TPTE: variants seen among roughly 807,000 people sequenced by gnomAD.
The protein encoded by TPTE is putative tyrosine-protein phosphatase TPTE.
Under a neutral mutation model 84.1 loss-of-function variants are expected in TPTE, and 59 were observed. The ratio of observed to expected loss-of-function variants is 0.70; its 90% CI spans 0.57 to 0.87. TPTE has a LOEUF of 0.87. Among genes scored for constraint, TPTE ranks in the 40% least tolerant of loss-of-function variants. TPTE has a pLI of 0.00. For synonymous variants in TPTE, 130 were observed against 223.5 expected, an observed-to-expected ratio of 0.58 and a Z score of 3.73; for missense variants, 382 against 659.6, an observed-to-expected ratio of 0.58 and a Z score of 4.61.
intron 3 of TPTE, among the ~76,000 whole-genome samples, chr21:10,531,339 A>G (rs1270100160): frequency 2.4e-4 from 36 of 152,414 alleles, no homozygotes; most frequent in African/African-American, 8.4e-4. Flanking sequence ...CTGGTGGTTT[A>G]AAAAGAGACA....
At chr21:10,605,357 A>C (rs1284954290) in intron 23 of TPTE, 60 bp from the exon 24 acceptor site, 1 of 1,591,864 alleles carries the variant, frequency 6.3e-7, no homozygotes, top group East Asian at 2.3e-5. Context: ...GTGGGTACCC[A>C]ACTGTGTGGC....
chr21:10,538,219 T>C (rs2074302570), intron 3 of TPTE, among the ~76,000 whole-genome samples: 1 of 152,310 alleles, frequency 6.6e-6, no homozygotes, highest in South Asian at 2.1e-4. Flanking sequence ...AGGGTGGTAC[T>C]CAAAACCCCA....
intron 17 of TPTE, among the ~76,000 whole-genome samples, chr21:10,586,787 C>T (rs1251510888): frequency 6.6e-6 from 1 of 152,306 alleles, no homozygotes; most frequent in Non-Finnish European, 1.5e-5. Context: ...TTCCTAAAAT[C>T]TCTCATTAGA....
At chr21:10,572,318 G>A (rs1189410626) in intron 14 of TPTE, among the ~76,000 whole-genome samples, 14 of 152,280 alleles carry the variant, frequency 9.2e-5, no homozygotes, top group African/African-American at 3.4e-4. Flanking sequence ...TGGGTGTGGT[G>A]GCGTGAACCT....
chr21:10,567,394 GATT>G (rs1340410397), intron 10 of TPTE, among the ~76,000 whole-genome samples: 2 of 151,746 alleles, frequency 1.3e-5, no homozygotes, highest in Non-Finnish European at 3.0e-5. Flanking sequence ...CAATGAGGGT[GATT>G]ATTACGCATT....
At chr21:10,535,783 T>TGA (rs1387117719) in intron 3 of TPTE, among the ~76,000 whole-genome samples, 2 of 152,302 alleles carry the variant, frequency 1.3e-5, no homozygotes, top group African/African-American at 4.8e-5. Flanking sequence ...TACCACCATG[T>TGA]GAGGCTGGTG....
At chr21:10,536,169 T>A (rs2145600778) in intron 3 of TPTE, among the ~76,000 whole-genome samples, 1 of 152,430 alleles carries the variant, frequency 6.6e-6, no homozygotes, top group South Asian at 2.1e-4. Flanking sequence ...TCCCATCTAC[T>A]CAGGAGGCTG....
intron 3 of TPTE, among the ~76,000 whole-genome samples, chr21:10,534,774 T>C (rs1365480789): frequency 6.6e-6 from 1 of 152,310 alleles, no homozygotes; most frequent in East Asian, 1.9e-4. Flanking sequence ...GTATGTAACA[T>C]CCTTTTCTTT....
intron 8 of TPTE, among the ~76,000 whole-genome samples, chr21:10,559,093 T>C (rs1461925098): frequency 6.6e-6 from 1 of 152,312 alleles, no homozygotes; most frequent in African/African-American, 2.4e-5. Flanking sequence ...TTTATTGCAG[T>C]GGAAACTGAG....
chr21:10,541,140 A>T lies in TPTE; in HGVS notation c.40A>T (p.Ile14Phe). ...TGATCCGACTGACCTGGCGGGAGTC[A>T]TCATTGAGCTCGGCCCCAATGACAG... is the stretch of plus-strand genomic sequence containing the variant. ...SPDPTDLAGVIIELGPNDSPQ... is the reference protein window; with the variant it reads ...SPDPTDLAGVFIELGPNDSPQ... The change falls in exon 5 of 24, where the codon ATC becomes TTC. Residue 14 changes from isoleucine (I) to phenylalanine (F), a missense_variant. Transcript: ENST00000618007. 1 of 1,613,276 alleles carries T rather than the reference A, an allele frequency of 6.2e-7. No homozygotes were observed. The highest frequency in any genetic ancestry group is 8.5e-7 in the Non-Finnish European group (1 of 1,179,358).
intron 7 of TPTE, among the ~76,000 whole-genome samples, chr21:10,544,935 A>C: frequency 6.6e-6 from 1 of 152,310 alleles, no homozygotes. Context: ...ACAGGCCGAA[A>C]AATTTCATTA....
At chr21:10,575,475 A>G (rs1165396474) in intron 14 of TPTE, among the ~76,000 whole-genome samples, 1 of 152,308 alleles carries the variant, frequency 6.6e-6, no homozygotes, top group African/African-American at 2.4e-5. Context: ...AGGAGGAAGG[A>G]TCCCCCACAG....
At chr21:10,527,070 G>A (rs1372054935) in intron 2 of TPTE, among the ~76,000 whole-genome samples, 5 of 152,288 alleles carry the variant, frequency 3.3e-5, no homozygotes, top group Non-Finnish European at 7.3e-5. Context: ...AGGATGACCG[G>A]GAACTAGCCA....
At chr21:10,531,655 A>G (rs557741452) in intron 3 of TPTE, among the ~76,000 whole-genome samples, 1 of 152,428 alleles carries the variant, frequency 6.6e-6, no homozygotes, top group East Asian at 1.9e-4. Flanking sequence ...ATGTGCTCTA[A>G]TCCGTCATCT....
intron 8 of TPTE, among the ~76,000 whole-genome samples, chr21:10,557,140 A>G (rs1405002287): frequency 6.6e-6 from 1 of 152,304 alleles, no homozygotes; most frequent in Non-Finnish European, 1.5e-5. Context: ...TGCTCAGCTG[A>G]CTCAAGCACT....
At chr21:10,599,917 G>A (rs1188697186) in intron 21 of TPTE, among the ~76,000 whole-genome samples, 1 of 152,258 alleles carries the variant, frequency 6.6e-6, no homozygotes, top group Non-Finnish European at 1.5e-5. Context: ...TAGCACAGTG[G>A]CATGATCATG....
At chr21:10,571,786 T>C (rs2075048307) in intron 14 of TPTE, among the ~76,000 whole-genome samples, 1 of 152,308 alleles carries the variant, frequency 6.6e-6, no homozygotes, top group Non-Finnish European at 1.5e-5. Flanking sequence ...GGCAGTGGAT[T>C]ACTTGAGGCC....
chr21:10,537,542 G>A (rs923445124), intron 3 of TPTE, among the ~76,000 whole-genome samples: 2 of 152,302 alleles, frequency 1.3e-5, no homozygotes, highest in East Asian at 1.9e-4. Flanking sequence ...GCCGGGTGTG[G>A]TGGCGGGTGC....
At position 10,557,880 on chromosome 21, in the gene TPTE, T is replaced by TA. The variant is rs2074714567; in HGVS notation, c.234-1613dup. Among the ~76,000 whole-genome samples, 9 of 152,426 alleles carry TA rather than the reference T, an allele frequency of 5.9e-5. No homozygotes were observed. In the South Asian group the frequency reaches 1.9e-3, roughly 32 times the overall value. ...GTATTAAGCTCAGTACCCAAATAGTTATCTTTTCTGCTCCTCTCTCTCCTC... is the reference window on the plus strand; with the variant it reads ...GTATTAAGCTCAGTACCCAAATAGTTAATCTTTTCTGCTCCTCTCTCTCCTC... On this transcript the variant is annotated intron_variant, in intron 8 of 23. Transcript: ENST00000618007.
Sources: gnomAD v4.1 joint callset for allele counts (sites outside exome capture counted in the v4.1 genomes callset) on GRCh38, gnomAD v4.1.1 for gene constraint, MANE v1.5 for transcripts, NCBI Gene and HGNC (gene_info 2026-07-23, HGNC 2026-07-21) for gene names.